Variants in CTNNA3 observed in about 807,000 individuals in gnomAD.
CTNNA3 encodes the protein catenin alpha-3.
In CTNNA3, 76 loss-of-function variants were observed where a neutral mutation model predicts 95.7. The observed-to-expected ratio is 0.79, with a 90% CI of 0.66 to 0.96. The LOEUF is 0.96. Among genes scored for constraint, CTNNA3 ranks in the 40% least tolerant of loss-of-function variants. CTNNA3 has a pLI of 0.00. For missense variants in CTNNA3, 1,191 were observed against 1,089.8 expected (o/e 1.09, Z -1.31); for synonymous variants, 431 against 374.4 (o/e 1.15, Z -1.74).
chr10:67,625,296 T>A (rs1838917239), intron 2 of CTNNA3, among the ~76,000 whole-genome samples: 1 of 152,196 alleles, frequency 6.6e-6, no homozygotes, highest in South Asian at 2.1e-4. Context: ...GATTAACAGA[T>A]CTATGACTGG....
intron 5 of CTNNA3, among the ~76,000 whole-genome samples, chr10:67,305,249 C>A (rs1282679306): frequency 6.6e-6 from 1 of 152,008 alleles, no homozygotes; most frequent in Non-Finnish European, 1.5e-5. Context: ...GCACTCCAGC[C>A]TGGGTGACAG....
intron 12 of CTNNA3, among the ~76,000 whole-genome samples, chr10:66,289,780 A>G (rs1354576836): frequency 6.6e-6 from 1 of 152,058 alleles, no homozygotes; most frequent in Non-Finnish European, 1.5e-5. Context: ...AAGTTTTATA[A>G]CCATGCTAAG....
chr10:66,593,173 A>T (rs1341922638), intron 10 of CTNNA3, among the ~76,000 whole-genome samples: 1 of 152,244 alleles, frequency 6.6e-6, no homozygotes, highest in Middle Eastern at 3.4e-3. Context: ...AATTCATAGG[A>T]TCTTGCTTAG....
At chr10:66,908,744 C>T (rs1846100590) in intron 7 of CTNNA3, among the ~76,000 whole-genome samples, 1 of 151,768 alleles carries the variant, frequency 6.6e-6, no homozygotes, top group Admixed American at 6.6e-5. Flanking sequence ...AGGTTTTTCC[C>T]CTGTAAGTTG....
chr10:67,750,275 G>A, intron 1 of CTNNA3: 2 of 1,516,564 alleles, frequency 1.3e-6, no homozygotes. Context: ...AATCATTTCT[G>A]CACCAACCAT....
chr10:67,700,046 T>A (rs1356868381), upstream of CTNNA3, among the ~76,000 whole-genome samples: 3 of 152,218 alleles, frequency 2.0e-5, no homozygotes, highest in South Asian at 6.2e-4. Flanking sequence ...GAGATCAAAC[T>A]GCAAGGCAGC....
chr10:67,270,327 G>T (rs945445860), intron 5 of CTNNA3, among the ~76,000 whole-genome samples: 2 of 151,988 alleles, frequency 1.3e-5, no homozygotes, highest in African/African-American at 4.8e-5. Context: ...GATAAAAGCA[G>T]CAAAGAAAAA....
At chr10:67,729,408 C>CCTTT (rs1841262337) in intron 1 of CTNNA3, among the ~76,000 whole-genome samples, 1 of 152,042 alleles carries the variant, frequency 6.6e-6, no homozygotes, top group South Asian at 2.1e-4. Flanking sequence ...CCTGCATTTT[C>CCTTT]AAAGTTCTGT....
At chr10:67,202,663 A>T (rs1438110279) in intron 6 of CTNNA3, among the ~76,000 whole-genome samples, 1 of 152,180 alleles carries the variant, frequency 6.6e-6, no homozygotes, top group Non-Finnish European at 1.5e-5. Context: ...CTCTGAGAAC[A>T]TGTCTAAAAT....
At chr10:66,297,716 C>T (rs1317252769) in intron 12 of CTNNA3, among the ~76,000 whole-genome samples, 2 of 152,090 alleles carry the variant, frequency 1.3e-5, no homozygotes, top group African/African-American at 2.4e-5. Flanking sequence ...GTCACTGCAA[C>T]CTTTCATCAT....
intron 2 of CTNNA3, 46 bp from the exon 3 acceptor site, chr10:67,607,095 A>G: frequency 7.0e-7 from 1 of 1,427,394 alleles, no homozygotes; most frequent in Middle Eastern, 1.9e-4. Context: ...AATTGTAAGG[A>G]GAACACAGTC....
At chr10:66,251,736 T>C (rs1297151792) in intron 13 of CTNNA3, among the ~76,000 whole-genome samples, 1 of 152,202 alleles carries the variant, frequency 6.6e-6, no homozygotes, top group East Asian at 1.9e-4. Context: ...TTTAACATGA[T>C]AGCTCAGAAA....
chr10:66,592,978 T>G (rs956772739), intron 10 of CTNNA3, among the ~76,000 whole-genome samples: 3 of 152,166 alleles, frequency 2.0e-5, no homozygotes, highest in Non-Finnish European at 2.9e-5. Flanking sequence ...TCACCCATTA[T>G]GGACAATGAA....
At chr10:67,089,477 G>C (rs1055439301) in intron 7 of CTNNA3, among the ~76,000 whole-genome samples, 1 of 151,908 alleles carries the variant, frequency 6.6e-6, no homozygotes, top group African/African-American at 2.4e-5. Flanking sequence ...AAGAGTTCTA[G>C]GAGATAGATT....
chr10:67,572,330 C>T (rs75380310), intron 3 of CTNNA3, among the ~76,000 whole-genome samples: 2 of 152,226 alleles, frequency 1.3e-5, no homozygotes, highest in African/African-American at 4.8e-5. Context: ...TAACTGATCC[C>T]ATAGGAGGTC....
At chr10:65,979,912 T>C (rs1413931513) in intron 16 of CTNNA3, among the ~76,000 whole-genome samples, 2 of 152,112 alleles carry the variant, frequency 1.3e-5, no homozygotes, top group East Asian at 1.9e-4. Flanking sequence ...TTCATTAATC[T>C]GGAGAACTAA....
At chr10:66,209,478 A>G (rs1056064768) in intron 13 of CTNNA3, among the ~76,000 whole-genome samples, 2 of 152,176 alleles carry the variant, frequency 1.3e-5, no homozygotes, top group Admixed American at 1.3e-4. Flanking sequence ...GAGAGAGGTC[A>G]TGTCATGCAT....
intron 11 of CTNNA3, among the ~76,000 whole-genome samples, chr10:66,444,851 A>T (rs544000237): frequency 6.6e-6 from 1 of 152,222 alleles, no homozygotes; most frequent in African/African-American, 2.4e-5. Flanking sequence ...AATGGGCTAA[A>T]TGCTCCAATT....
intron 10 of CTNNA3, among the ~76,000 whole-genome samples, chr10:66,615,138 G>A (rs1844465367): frequency 6.6e-6 from 1 of 151,900 alleles, no homozygotes; most frequent in Non-Finnish European, 1.5e-5. Flanking sequence ...CCAGGACTCA[G>A]CATGAAATTC....
Sources: gnomAD v4.1 joint callset for allele counts (sites outside exome capture counted in the v4.1 genomes callset) on GRCh38, gnomAD v4.1.1 for gene constraint, MANE v1.5 for transcripts, NCBI Gene and HGNC (gene_info 2026-07-23, HGNC 2026-07-21) for gene names.